PCSK5: variants seen among roughly 807,000 people sequenced by gnomAD.
PCSK5 encodes proprotein convertase subtilisin/kexin type 5.
PCSK5 carries 129 observed loss-of-function variants against 233.2 expected under a neutral mutation model. That is an observed-to-expected ratio of 0.55 (90% CI 0.48 to 0.64). The LOEUF (loss-of-function observed/expected upper bound fraction) is 0.64. Among genes scored for constraint, PCSK5 ranks in the 30% least tolerant of loss-of-function variants. PCSK5 has a pLI of 0.00. For missense variants in PCSK5, 2,076 were observed against 2,430.1 expected (o/e 0.85, Z 3.06); for synonymous variants, 825 against 879.2 (o/e 0.94, Z 1.09).
Position 76,359,472 on chromosome 9 carries a change from A to AGG in PCSK5, c.*550_*551insGG, listed in dbSNP as rs1830388494. 1.3e-5 allele frequency: 2 copies of AGG among 158,262 alleles called. No homozygotes were observed. The highest frequency in any genetic ancestry group is 4.8e-5 in the African/African-American group (2 of 41,428). 9.8% of individuals were successfully genotyped at this position (158,262 alleles called of 1,614,324 possible). A position where few individuals can be genotyped will look rare whatever the true frequency, so the allele number is the denominator to read the frequency against. ...GGCTCTTATCAATTGACTCCAGGCC[A>AGG]CCCCTGGTGAGCAGAAGAGACCACC... On this transcript the variant is annotated 3_prime_UTR_variant, in exon 38 of 38. Transcript: ENST00000674117.
intron 2 of PCSK5, among the ~76,000 whole-genome samples, chr9:75,973,788 TGGTCAAG>T (rs1825899892): frequency 6.6e-6 from 1 of 152,192 alleles, no homozygotes; most frequent in African/African-American, 2.4e-5. Context: ...TTGGGAACTG[TGGTCAAG>T]GCCAACTCTC....
intron 24 of PCSK5, among the ~76,000 whole-genome samples, chr9:76,254,587 G>T (rs1414032761): frequency 6.6e-6 from 1 of 152,090 alleles, no homozygotes; most frequent in East Asian, 1.9e-4. Flanking sequence ...TAGTCAATAG[G>T]TAGGCTGTCA....
intron 24 of PCSK5, among the ~76,000 whole-genome samples, chr9:76,253,033 G>C (rs2131347476): frequency 6.6e-6 from 1 of 152,306 alleles, no homozygotes; most frequent in South Asian, 2.1e-4. Flanking sequence ...ATATATTGCA[G>C]AATAAAATAT....
Position 76,023,636 on chromosome 9 carries a change from C to T in PCSK5, c.412-102C>T, listed in dbSNP as rs561153792. 6.9e-5 allele frequency: 77 copies of T among 1,108,622 alleles called. No homozygotes were observed. The African/African-American group carries it at 1.1e-3, about 16-fold the overall frequency. The allele number at this position is 1,108,622 out of a possible 1,614,324, so 68.7% of individuals were successfully genotyped here. On this transcript the variant is annotated intron_variant, in intron 3 of 37. Transcript: ENST00000674117. ...GCTCATCACACTACTACACTCCAGCCTGGGCAGCAGAGAAAAAAAAAAACA... is the reference window on the plus strand; with the variant it reads ...GCTCATCACACTACTACACTCCAGCTTGGGCAGCAGAGAAAAAAAAAAACA...
At chr9:75,931,126 C>T (rs1823772833) in intron 1 of PCSK5, among the ~76,000 whole-genome samples, 1 of 152,038 alleles carries the variant, frequency 6.6e-6, no homozygotes, top group Non-Finnish European at 1.5e-5. Context: ...CTGTGTAAAG[C>T]CCTAGTGAGG....
chr9:76,053,934 C>G (rs1829726330), intron 5 of PCSK5, among the ~76,000 whole-genome samples: 1 of 152,148 alleles, frequency 6.6e-6, no homozygotes, highest in Admixed American at 6.6e-5. Context: ...TAAAGACATA[C>G]TCGAGATTGG....
At chr9:76,355,891 A>G (rs917464776) in intron 37 of PCSK5, among the ~76,000 whole-genome samples, 2 of 152,048 alleles carry the variant, frequency 1.3e-5, no homozygotes, top group African/African-American at 4.8e-5. Context: ...TTTAGTACAG[A>G]AGGGGTTTCA....
intron 16 of PCSK5, among the ~76,000 whole-genome samples, chr9:76,184,192 T>C (rs1287061760): frequency 6.6e-6 from 1 of 152,196 alleles, no homozygotes; most frequent in East Asian, 1.9e-4. Flanking sequence ...CAGTCTTAAA[T>C]GTAGATTCCC....
At chr9:76,275,822 G>T (rs763738830) in intron 24 of PCSK5, among the ~76,000 whole-genome samples, 5 of 152,172 alleles carry the variant, frequency 3.3e-5, no homozygotes, top group African/African-American at 1.2e-4. Context: ...TACATTAGAG[G>T]TTTCTCCATT....
chr9:76,080,220 G>C (rs535327731), intron 7 of PCSK5, among the ~76,000 whole-genome samples: 1 of 152,234 alleles, frequency 6.6e-6, no homozygotes, highest in South Asian at 2.1e-4. Context: ...TTTTTGACAA[G>C]GTCACAGTGA....
chr9:75,923,806 C>T (rs1823358356), intron 1 of PCSK5, among the ~76,000 whole-genome samples: 1 of 152,146 alleles, frequency 6.6e-6, no homozygotes, highest in Admixed American at 6.6e-5. Context: ...GACTTTGTTT[C>T]CTTGCTTTTT....
At chr9:75,950,142 T>TGGG (rs1563932278) in intron 2 of PCSK5, among the ~76,000 whole-genome samples, 3 of 98,344 alleles carry the variant, frequency 3.1e-5, no homozygotes, top group Non-Finnish European at 6.1e-5. Context: ...TGTGTGTGTG[T>TGGG]GTGGGGGGGG....
At chr9:76,053,509 C>T (rs1397481307) in intron 5 of PCSK5, among the ~76,000 whole-genome samples, 3 of 152,184 alleles carry the variant, frequency 2.0e-5, no homozygotes, top group Admixed American at 6.5e-5. Context: ...CTCTTGAATG[C>T]TTTGTCGCTT....
chr9:76,180,899 T>G (rs1823839578), intron 15 of PCSK5, among the ~76,000 whole-genome samples: 5 of 152,208 alleles, frequency 3.3e-5, no homozygotes, highest in South Asian at 2.1e-4. Flanking sequence ...AGGAAGTTTT[T>G]TTTTTTTTTT....
At chr9:76,043,557 A>G (rs986816894) in intron 5 of PCSK5, among the ~76,000 whole-genome samples, 1 of 152,154 alleles carries the variant, frequency 6.6e-6, no homozygotes, top group East Asian at 1.9e-4. Context: ...TTTCTTTCAG[A>G]TGTCACGTGC....
chr9:76,027,472 C>T lies in PCSK5; in HGVS notation c.632+435C>T, dbSNP rs147191439. On this transcript the variant is annotated intron_variant, in intron 5 of 37. Coordinates refer to ENST00000674117, the MANE Select transcript of PCSK5 (RefSeq NM_001372043.1). ...TTTACTCCTCCTTCGCTCCTCTCTCCTCTGTAGTTATTGTGTTTTTCACTA... is the reference window on the plus strand; with the variant it reads ...TTTACTCCTCCTTCGCTCCTCTCTCTTCTGTAGTTATTGTGTTTTTCACTA... Among the ~76,000 whole-genome samples the T allele has an allele frequency of 3.9e-5, 6 of 152,294 alleles. No homozygotes were observed. The East Asian group carries it at 9.6e-4, about 24-fold the overall frequency.
intron 4 of PCSK5, among the ~76,000 whole-genome samples, chr9:76,024,446 G>A (rs1463538450): frequency 6.6e-6 from 1 of 152,164 alleles, no homozygotes; most frequent in African/African-American, 2.4e-5. Context: ...GAATTTTCAA[G>A]CTAAAAAGGA....
intron 1 of PCSK5, among the ~76,000 whole-genome samples, chr9:75,930,887 CT>C (rs1823759927): frequency 6.6e-6 from 1 of 152,142 alleles, no homozygotes; most frequent in South Asian, 2.1e-4. Flanking sequence ...CTGTAAAACC[CT>C]CCTTAAAACA....
intron 14 of PCSK5, among the ~76,000 whole-genome samples, chr9:76,177,080 A>C (rs1259686341): frequency 6.6e-6 from 1 of 152,218 alleles, no homozygotes; most frequent in Non-Finnish European, 1.5e-5. Flanking sequence ...GCCTGAGCTC[A>C]GGAGTTTGAG....
Sources: allele counts gnomAD v4.1 joint callset (sites outside exome capture counted in the v4.1 genomes callset), GRCh38; gene constraint gnomAD v4.1.1; transcripts MANE v1.5; gene names NCBI Gene and HGNC (gene_info 2026-07-23, HGNC 2026-07-21).